The following STX6 variants were observed in gnomAD, a reference collection of about 807,000 sequenced individuals.
STX6 encodes the protein syntaxin 6, also known as syntaxin-6.
A neutral mutation model predicts 38.0 loss-of-function variants in STX6; 23 were observed. The ratio of observed to expected loss-of-function variants is 0.60; its 90% CI spans 0.43 to 0.86. The LOEUF is 0.86. STX6 is among the 40% of genes least tolerant of loss of function. The pLI is 0.00. For missense variants in STX6, 274 were observed against 312.9 expected, an observed-to-expected ratio of 0.88 and a Z score of 0.94; for synonymous variants, 123 against 107.5, an observed-to-expected ratio of 1.14 and a Z score of -0.89.
rs912174049 is a variant in STX6, at chr1:180,983,332, G to A, written c.691+1345C>T. Among the ~76,000 whole-genome samples the A allele has an allele frequency of 1.3e-5, 2 of 152,224 alleles. 1 individual carries two copies. Among genetic ancestry groups the A allele is most frequent in the South Asian group, 4.1e-4 (2 of 4,836 alleles). On this transcript the variant is annotated intron_variant, in intron 7 of 7. Transcript: ENST00000258301. Reference sequence around the variant, plus strand: ...GAAAAGGTGTCAAGAAACAGGGCATGTTCTAACACAAGGGAGGTGCTCTAC... The same window carrying A: ...GAAAAGGTGTCAAGAAACAGGGCATATTCTAACACAAGGGAGGTGCTCTAC...
intron 7 of STX6, among the ~76,000 whole-genome samples, chr1:180,982,727 T>C (rs1265485003): frequency 6.6e-6 from 1 of 152,210 alleles, no homozygotes; most frequent in South Asian, 2.1e-4. Context: ...GGTTATACAA[T>C]TCTTCATTAA....
At chr1:180,985,619 C>A (rs774873192) in intron 6 of STX6, among the ~76,000 whole-genome samples, 4 of 152,240 alleles carry the variant, frequency 2.6e-5, no homozygotes, top group Non-Finnish European at 4.4e-5. Flanking sequence ...ACTAGGAAAA[C>A]TGACTCCAGC....
chr1:181,005,286 A>C lies in STX6; in HGVS notation c.205+8T>G. 1 of 1,611,094 alleles carries C rather than the reference A, an allele frequency of 6.2e-7. No individual in the cohort carries two copies. The highest frequency in any genetic ancestry group is 8.5e-7 in the Non-Finnish European group (1 of 1,178,110). On this transcript the variant is annotated splice_region_variant and intron_variant, in intron 2 of 7. Transcript: ENST00000258301. ...CCCGAATGGCACAGACACCACAGAA[A>C]AGGATATTGATGGTTTCATCAAGGT...
intron 6 of STX6, among the ~76,000 whole-genome samples, chr1:180,986,098 G>A (rs1321763606): frequency 6.6e-6 from 1 of 152,228 alleles, no homozygotes; most frequent in Admixed American, 6.5e-5. Context: ...TCTGCGCTAG[G>A]TATGACTTTT....
intron 1 of STX6, among the ~76,000 whole-genome samples, chr1:181,016,686 T>G (rs958878820): frequency 6.6e-6 from 1 of 152,216 alleles, no homozygotes; most frequent in South Asian, 2.1e-4. Context: ...AAGCTAGATA[T>G]GCAGACAGAG....
intron 3 of STX6, among the ~76,000 whole-genome samples, chr1:180,995,936 G>T (rs1308223113): frequency 2.0e-5 from 3 of 152,098 alleles, no homozygotes; most frequent in Non-Finnish European, 2.9e-5. Flanking sequence ...AATGCTTCTG[G>T]GTGCTGTTGA....
rs559824472 is a variant in STX6, at chr1:180,997,500, T to C, written c.301-4075A>G. Among the ~76,000 whole-genome samples, 6 of 152,340 alleles carry C rather than the reference T, an allele frequency of 3.9e-5. No homozygotes were observed. The South Asian group carries it at 1.2e-3, about 32-fold the overall frequency. ...GTATTTCCAATGAAAATTTCACATC[T>C]GAATTGAGATATGCTTGAGTGTAAA... On this transcript the variant is annotated intron_variant, in intron 3 of 7. Transcript: ENST00000258301.
chr1:180,998,540 C>G lies in STX6; in HGVS notation c.300+4066G>C, dbSNP rs182499258. On this transcript the variant is annotated intron_variant, in intron 3 of 7. Coordinates refer to ENST00000258301, the MANE Select transcript of STX6 (RefSeq NM_005819.6). ...GGACTATAGGCAGCTGCCACCACAC[C>G]CAGCTAATTTTTGTATTTTTAGTAG... Among the ~76,000 whole-genome samples, 29 of 152,258 alleles carry G rather than the reference C, an allele frequency of 1.9e-4. No homozygotes were observed. In the Middle Eastern group the frequency reaches 0.01, roughly 54 times the overall value.
chr1:181,000,114 G>A (rs893797306), intron 3 of STX6, among the ~76,000 whole-genome samples: 1 of 152,200 alleles, frequency 6.6e-6, no homozygotes, highest in African/African-American at 2.4e-5. Context: ...AATACTAACA[G>A]CTTCCCCCAA....
intron 1 of STX6, among the ~76,000 whole-genome samples, chr1:181,014,505 C>T (rs1013459047): frequency 6.6e-6 from 1 of 152,204 alleles, no homozygotes; most frequent in African/African-American, 2.4e-5. Flanking sequence ...TCTGGGACAG[C>T]ACCTACTCTG....
chr1:180,977,126 A>C (rs1655277889), intron 7 of STX6, among the ~76,000 whole-genome samples: 1 of 152,250 alleles, frequency 6.6e-6, no homozygotes, highest in Non-Finnish European at 1.5e-5. Flanking sequence ...TACAGCTGAA[A>C]AAGCAAGCTC....
chr1:181,011,832 T>TGAGCACTTCACTTTGGGAG (rs1656410094), intron 1 of STX6, among the ~76,000 whole-genome samples: 1 of 152,214 alleles, frequency 6.6e-6, no homozygotes, highest in Non-Finnish European at 1.5e-5. Context: ...CTAGCCCGTG[T>TGAGCACTTCACTTTGGGAG]GAGCACTTCA....
intron 3 of STX6, among the ~76,000 whole-genome samples, chr1:180,998,302 C>T (rs961359330): frequency 2.0e-5 from 3 of 152,154 alleles, no homozygotes; most frequent in African/African-American, 7.2e-5. Flanking sequence ...CAGATTCCTC[C>T]AATAGCCCTG....
chr1:180,990,863 C>T (rs1411242862), intron 4 of STX6, among the ~76,000 whole-genome samples: 1 of 152,136 alleles, frequency 6.6e-6, no homozygotes, highest in African/African-American at 2.4e-5. Flanking sequence ...GTATGTCTTC[C>T]TCACATGAAG....
chr1:180,996,228 GC>G (rs1655912627), intron 3 of STX6, among the ~76,000 whole-genome samples: 1 of 152,038 alleles, frequency 6.6e-6, no homozygotes, highest in South Asian at 2.1e-4. Flanking sequence ...GATGTGTACT[GC>G]AGTATTATTT....
intron 1 of STX6, among the ~76,000 whole-genome samples, chr1:181,013,623 G>C (rs547208091): frequency 6.6e-5 from 10 of 152,204 alleles, no homozygotes; most frequent in Non-Finnish European, 8.8e-5. Context: ...CATGCTGGCA[G>C]ACTCTGAATT....
chr1:181,008,002 G>A (rs896443259), intron 1 of STX6, among the ~76,000 whole-genome samples: 1 of 152,174 alleles, frequency 6.6e-6, no homozygotes, highest in African/African-American at 2.4e-5. Context: ...AGCATATGAT[G>A]AGAATCCAGC....
intron 3 of STX6, among the ~76,000 whole-genome samples, chr1:180,996,122 G>C (rs940369858): frequency 6.6e-6 from 1 of 152,068 alleles, no homozygotes; most frequent in Non-Finnish European, 1.5e-5. Context: ...TGTACCATGA[G>C]TCTCAAAATA....
rs2102296460 is a variant in STX6 at position 180,975,731 on chromosome 1, C to T, written c.*839G>A. The T allele has an allele frequency of 6.6e-6, 1 of 152,270 alleles. No individual in the cohort carries two copies. 9.4% of individuals were successfully genotyped at this position (152,270 alleles called of 1,614,324 possible). ...TTAGCAACAACATATGTAGCAATCA[C>T]CCTCAAAACGCAAGCTGCACCTCTG... On this transcript the variant is annotated 3_prime_UTR_variant, in exon 8 of 8. Coordinates refer to ENST00000258301, the MANE Select transcript of STX6 (RefSeq NM_005819.6).
Sources: gnomAD v4.1 joint callset for allele counts (sites outside exome capture counted in the v4.1 genomes callset) on GRCh38, gnomAD v4.1.1 for gene constraint, MANE v1.5 for transcripts, NCBI Gene and HGNC (gene_info 2026-07-23, HGNC 2026-07-21) for gene names.